Variants in PPFIA2 observed in about 807,000 individuals in gnomAD.
PPFIA2 encodes PPFI scaffold protein A2.
In PPFIA2, 46 loss-of-function variants were observed where a neutral mutation model predicts 175.5. That is an observed-to-expected ratio of 0.26 (90% CI 0.21 to 0.34). PPFIA2 has a LOEUF of 0.34. Among genes scored for constraint, PPFIA2 ranks in the 10% least tolerant of loss-of-function variants. The pLI, the probability that PPFIA2 is intolerant of heterozygous loss-of-function variation, is 1.00. For synonymous variants in PPFIA2, 568 were observed against 511.4 expected, an observed-to-expected ratio of 1.11 and a Z score of -1.49; for missense variants, 1,179 against 1,506.1, an observed-to-expected ratio of 0.78 and a Z score of 3.60.
chr12:81,678,417 G>A (rs2072993179), intron 3 of PPFIA2, among the ~76,000 whole-genome samples: 1 of 151,774 alleles, frequency 6.6e-6, no homozygotes, highest in Non-Finnish European at 1.5e-5. Context: ...GTTCAAGGAA[G>A]GGGACAGGGA....
At chr12:81,756,149 A>G (rs1366489340) in intron 2 of PPFIA2, among the ~76,000 whole-genome samples, 2 of 152,168 alleles carry the variant, frequency 1.3e-5, no homozygotes, top group East Asian at 1.9e-4. Context: ...CCAGGAGCCA[A>G]TATGTTTACT....
At chr12:81,714,543 G>A (rs1041759308) in intron 3 of PPFIA2, among the ~76,000 whole-genome samples, 7 of 150,956 alleles carry the variant, frequency 4.6e-5, no homozygotes, top group Admixed American at 2.0e-4. Flanking sequence ...GGGTTGCCAC[G>A]TTGTGAATTA....
chr12:81,461,978 T>C lies in PPFIA2; in HGVS notation c.304-4112A>G, dbSNP rs115275423. On this transcript the variant is annotated intron_variant, in intron 4 of 32. Transcript: ENST00000549396. ...AGAGTATTTTTATATCCTTAGGTCT[T>C]AGCATAGTTCCTGGAAAATTAAGTA... Among the ~76,000 whole-genome samples, 1,164 of 152,012 alleles carry C rather than the reference T, an allele frequency of 7.7e-3. 14 individuals carry two copies. The highest frequency in any genetic ancestry group is 0.026 in the African/African-American group (1,099 of 41,522).
chr12:81,613,613 A>G (rs1194328047), intron 4 of PPFIA2, among the ~76,000 whole-genome samples: 1 of 152,172 alleles, frequency 6.6e-6, no homozygotes, highest in African/African-American at 2.4e-5. Flanking sequence ...TCAGTCTCTC[A>G]TACATAATTT....
At chr12:81,283,581 T>G (rs550279769) in intron 25 of PPFIA2, among the ~76,000 whole-genome samples, 1 of 152,224 alleles carries the variant, frequency 6.6e-6, no homozygotes, top group South Asian at 2.1e-4. Context: ...CTTAACAAAC[T>G]TGTAGATAAT....
At chr12:81,429,989 AC>A (rs2047806253) in intron 7 of PPFIA2, 1 of 152,062 alleles carries the variant, frequency 6.6e-6, no homozygotes, top group African/African-American at 2.4e-5. Flanking sequence ...CTCTGTTCTC[AC>A]TTTCCTTAGC....
chr12:81,431,138 C>CT (rs750386008), intron 7 of PPFIA2: 30 of 152,296 alleles, frequency 2.0e-4, no homozygotes, highest in Non-Finnish European at 3.1e-4. Context: ...TGTGGAAAGG[C>CT]TTTTAAAATA....
At chr12:81,283,447 C>T (rs1440769030) in intron 25 of PPFIA2, among the ~76,000 whole-genome samples, 1 of 151,786 alleles carries the variant, frequency 6.6e-6, no homozygotes, top group Non-Finnish European at 1.5e-5. Context: ...TGTATCCCTC[C>T]AACAAAGCTT....
At chr12:81,580,641 C>T in intron 4 of PPFIA2, among the ~76,000 whole-genome samples, 1 of 151,478 alleles carries the variant, frequency 6.6e-6, no homozygotes, top group East Asian at 1.9e-4. Flanking sequence ...CTTATAACTT[C>T]TCTCTACCAA....
At chr12:81,435,157 G>A (rs1482246944) in intron 7 of PPFIA2, among the ~76,000 whole-genome samples, 1 of 152,082 alleles carries the variant, frequency 6.6e-6, no homozygotes, top group African/African-American at 2.4e-5. Flanking sequence ...AAACTAGGTG[G>A]CATTTCTGAC....
chr12:81,636,516 C>T (rs2064071025), intron 4 of PPFIA2, among the ~76,000 whole-genome samples: 1 of 151,014 alleles, frequency 6.6e-6, no homozygotes. Flanking sequence ...CCGCCCGCCT[C>T]GGCCTCCCAA....
rs114357068 is a variant in PPFIA2 at position 81,585,773 on chromosome 12, A to G, written c.303+91018T>C. On this transcript the variant is annotated intron_variant, in intron 4 of 32. Transcript: ENST00000549396. ...GAAGTACACTCCAAAATATCAATTA[A>G]AATATTGTATAGTAAATGTATAATC... Among the ~76,000 whole-genome samples, 598 of 152,026 alleles carry G rather than the reference A, an allele frequency of 3.9e-3. 3 individuals carry two copies. The highest frequency in any genetic ancestry group is 0.014 in the African/African-American group (563 of 41,502).
intron 4 of PPFIA2, among the ~76,000 whole-genome samples, chr12:81,474,132 G>A (rs1403105563): frequency 6.6e-6 from 1 of 151,896 alleles, no homozygotes; most frequent in Non-Finnish European, 1.5e-5. Context: ...GTGTAGAATT[G>A]TATTCTTTAT....
At chr12:81,439,125 T>C (rs1034711218) in intron 7 of PPFIA2, among the ~76,000 whole-genome samples, 1 of 151,252 alleles carries the variant, frequency 6.6e-6, no homozygotes, top group Non-Finnish European at 1.5e-5. Flanking sequence ...GGGACTATTT[T>C]AATGGCTGAC....
At chr12:81,262,704 A>G (rs996420762) in intron 31 of PPFIA2, among the ~76,000 whole-genome samples, 2 of 152,206 alleles carry the variant, frequency 1.3e-5, no homozygotes, top group Non-Finnish European at 2.9e-5. Flanking sequence ...AGTAATTGGG[A>G]AATTACTGTG....
intron 4 of PPFIA2, among the ~76,000 whole-genome samples, chr12:81,675,221 CATAT>C (rs34014251): frequency 1.1e-4 from 6 of 55,408 alleles, no homozygotes; most frequent in Non-Finnish European, 3.7e-4. Context: ...CACACACACA[CATAT>C]ATATATAGAG....
At chr12:81,289,691 A>G (rs879284902) in intron 24 of PPFIA2, among the ~76,000 whole-genome samples, 6 of 151,892 alleles carry the variant, frequency 4.0e-5, no homozygotes, top group Non-Finnish European at 7.4e-5. Flanking sequence ...GTTTCCAGAT[A>G]AGATTATCTA....
intron 4 of PPFIA2, among the ~76,000 whole-genome samples, chr12:81,479,672 C>T (rs951228898): frequency 6.6e-6 from 1 of 152,044 alleles, no homozygotes; most frequent in African/African-American, 2.4e-5. Flanking sequence ...TTTATTTTTC[C>T]TTTGCTTATG....
intron 24 of PPFIA2, among the ~76,000 whole-genome samples, chr12:81,284,885 C>G (rs1235557604): frequency 6.6e-6 from 1 of 152,092 alleles, no homozygotes; most frequent in Non-Finnish European, 1.5e-5. Context: ...TAGTAAGTGT[C>G]CCTGAATTCT....
Sources: allele counts gnomAD v4.1 joint callset (sites outside exome capture counted in the v4.1 genomes callset), GRCh38; gene constraint gnomAD v4.1.1; transcripts MANE v1.5; gene names NCBI Gene and HGNC (gene_info 2026-07-23, HGNC 2026-07-21).